Variants in CD5L observed in about 807,000 individuals in gnomAD.
CD5L encodes CD5 molecule like, also known as CD5 antigen-like.
In CD5L, 39 loss-of-function variants were observed where a neutral mutation model predicts 40.8. The observed-to-expected ratio is 0.96, with a 90% CI of 0.74 to 1.25. The LOEUF (loss-of-function observed/expected upper bound fraction) is 1.25, where lower values mean the gene tolerates loss of function less well. Ranked by LOEUF, CD5L falls within the 50% of genes most tolerant of loss-of-function variation. The probability of loss-of-function intolerance (pLI) is 0.00; values close to 1 mark genes in which losing one functional copy is unlikely to be tolerated. For synonymous variants in CD5L, 192 were observed against 169.6 expected (o/e 1.13, Z -1.03); for missense variants, 433 against 435.9 (o/e 0.99, Z 0.06).
At chr1:157,828,324 C>G (rs1344085066), downstream of CD5L, among the ~76,000 whole-genome samples, 1 of 152,148 alleles carries the variant, frequency 6.6e-6, no homozygotes, top group Admixed American at 6.5e-5. Flanking sequence ...TCTTGAAACA[C>G]TTTCTTCATT....
rs1045122405 is a variant in CD5L, at chr1:157,831,309, C to T, written c.*655G>A. Reference sequence around the variant, plus strand: ...TTATTGGGGCAATCAGAGGATGAAACATCATTTTTTACACGTCATGAAAAG... The same window carrying T: ...TTATTGGGGCAATCAGAGGATGAAATATCATTTTTTACACGTCATGAAAAG... On this transcript the variant is annotated 3_prime_UTR_variant, in exon 6 of 6. Coordinates refer to ENST00000368174, the MANE Select transcript of CD5L (RefSeq NM_005894.3). 2 of 985,126 alleles carry T rather than the reference C, an allele frequency of 2.0e-6. No individual in the cohort carries two copies. The highest frequency in any genetic ancestry group is 6.2e-5 in the Admixed American group (1 of 16,254). The allele number at this position is 985,126 out of a possible 1,614,324, so 61.0% of individuals were successfully genotyped here. A position where few individuals can be genotyped will look rare whatever the true frequency, so the allele number is the denominator to read the frequency against.
intron 3 of CD5L, among the ~76,000 whole-genome samples, chr1:157,835,622 G>T (rs1284032539): frequency 1.3e-5 from 2 of 152,198 alleles, no homozygotes; most frequent in African/African-American, 2.4e-5. Context: ...TTGAAACTAA[G>T]ATGAAAGCAT....
rs80166552 is a variant in CD5L, at chr1:157,838,446, G to T, written c.55+938C>A. ...TACTCCAAGAAATACTAGCTATCAG[G>T]ATTAACAGGATATTTTCTTTCCTTG... is the stretch of plus-strand genomic sequence containing the variant. On this transcript the variant is annotated intron_variant, in intron 2 of 5. Transcript: ENST00000368174. Among the ~76,000 whole-genome samples, 508 of 152,064 alleles carry T rather than the reference G, an allele frequency of 3.3e-3. 1 individual carries two copies. The highest frequency in any genetic ancestry group is 0.011 in the African/African-American group (469 of 41,474).
chr1:157,827,694 GA>G (rs1655940681), downstream of CD5L, among the ~76,000 whole-genome samples: 1 of 152,098 alleles, frequency 6.6e-6, no homozygotes, highest in African/African-American at 2.4e-5. Flanking sequence ...CATCTTCACA[GA>G]CACACATAGA....
intron 3 of CD5L, 43 bp downstream of exon 3, chr1:157,835,792 G>T (rs1173823972): frequency 2.6e-6 from 4 of 1,517,612 alleles, no homozygotes; most frequent in African/African-American, 2.7e-5. Context: ...GCCGTGAGGG[G>T]TATGGCAGCT....
chr1:157,831,335 G>T lies in CD5L; in HGVS notation c.*629C>A, dbSNP rs1656041617. Reference sequence around the variant, plus strand: ...ATCATTTTTTACACGTCATGAAAAGGTCTAGGATTATAGGACGCTGCTCTG... The same window carrying T: ...ATCATTTTTTACACGTCATGAAAAGTTCTAGGATTATAGGACGCTGCTCTG... On this transcript the variant is annotated 3_prime_UTR_variant, in exon 6 of 6. Coordinates refer to ENST00000368174, the MANE Select transcript of CD5L (RefSeq NM_005894.3). 1.0e-6 allele frequency: 1 copy of T among 985,184 alleles called. No homozygotes were observed. The highest frequency in any genetic ancestry group is 1.2e-6 in the Non-Finnish European group (1 of 829,932). 61.0% of individuals were successfully genotyped at this position (985,184 alleles called of 1,614,324 possible).
rs761480157 is a variant in CD5L, at chr1:157,834,533, G to C, written c.592C>G (p.Arg198Gly). 1 of 1,614,132 alleles carries C rather than the reference G, an allele frequency of 6.2e-7. No homozygotes were observed. Among genetic ancestry groups the C allele is most frequent in the Middle Eastern group, 1.6e-4 (1 of 6,062 alleles). Residue 198 changes from arginine (R) to glycine (G), a missense_variant, in exon 4 of 6, where the codon CGA becomes GGA. By Grantham distance (125) the Arg-to-Gly change is moderately radical (BLOSUM62 -2). Coordinates refer to ENST00000368174, the MANE Select transcript of CD5L (RefSeq NM_005894.3). ...ATCTGGCTCAGCCAGATGGGTTTTC[G>C]GCCATAGGCATGCTTGTTGCAGCGT... The part of the protein sequence containing the change: ...QKRCNKHAYG[R>G]KPIWLSQMSC...
Position 157,831,160 on chromosome 1 carries a change from T to C in CD5L, c.*804A>G, listed in dbSNP as rs1303771095. On this transcript the variant is annotated 3_prime_UTR_variant, in exon 6 of 6. Transcript: ENST00000368174. ...CCCTCCCTGATCTCTTTCTGCCTCT[T>C]TCTTGACCTTTTCCCAGTAACCAAT... 3 of 985,176 alleles carry C rather than the reference T, an allele frequency of 3.0e-6. No individual in the cohort carries two copies. The highest frequency in any genetic ancestry group is 3.6e-6 in the Non-Finnish European group (3 of 829,806). 61.0% of individuals were successfully genotyped at this position (985,176 alleles called of 1,614,324 possible). A position where few individuals can be genotyped will look rare whatever the true frequency, so the allele number is the denominator to read the frequency against.
At chr1:157,834,892 C>T (rs1322535703) in intron 3 of CD5L, 144 bp from the exon 4 acceptor site, 6 of 564,174 alleles carry the variant, frequency 1.1e-5, no homozygotes, top group Non-Finnish European at 1.5e-5. Flanking sequence ...TAGATGCCTG[C>T]TGAAAGAATG....
rs373123868 is a variant in CD5L at position 157,833,842 on chromosome 1, C to T, written c.719-330G>A. ...CTCAGGCTAGTCTCAAACTCTTGGG[C>T]TCAAGTGCTCCTCCCACCTCGGCTT... On this transcript the variant is annotated intron_variant, in intron 4 of 5. Transcript: ENST00000368174. Among the ~76,000 whole-genome samples the T allele has an allele frequency of 2.8e-4, 42 of 149,026 alleles. No homozygotes were observed. In the South Asian group the frequency reaches 8.5e-3, roughly 30 times the overall value.
intron 2 of CD5L, among the ~76,000 whole-genome samples, chr1:157,838,350 G>A (rs1009926133): frequency 6.6e-6 from 1 of 152,092 alleles, no homozygotes; most frequent in African/African-American, 2.4e-5. Context: ...TTATCTTCAT[G>A]AGTAGCATGA....
In CD5L at chr1:157,831,950, G is replaced by T; in HGVS notation, c.*14C>A. 1 of 1,588,164 alleles carries T rather than the reference G, an allele frequency of 6.3e-7. No homozygotes were observed. Among genetic ancestry groups the T allele is most frequent in the South Asian group, 1.2e-5 (1 of 86,082 alleles). On this transcript the variant is annotated 3_prime_UTR_variant, in exon 6 of 6. Coordinates refer to ENST00000368174, the MANE Select transcript of CD5L (RefSeq NM_005894.3). ...GGCGGGGCCAGGGGGGCCAGGTCAA[G>T]CAACACCAGGATACTATCCTATAAA... is the stretch of plus-strand genomic sequence containing the variant.
At chr1:157,833,136 C>A (rs1012180022) in intron 5 of CD5L, 56 bp downstream of exon 5, 61 of 1,399,890 alleles carry the variant, frequency 4.4e-5, no homozygotes, top group Non-Finnish European at 5.8e-5. Context: ...CCATCATTTC[C>A]TCTTCCTTTA....
chr1:157,835,303 T>C (rs920189574), intron 3 of CD5L, among the ~76,000 whole-genome samples: 4 of 152,178 alleles, frequency 2.6e-5, no homozygotes, highest in Non-Finnish European at 5.9e-5. Flanking sequence ...TACTCATACA[T>C]ATAAAGCAAG....
intron 4 of CD5L, 55 bp downstream of exon 4, chr1:157,834,352 A>C: frequency 7.1e-7 from 1 of 1,417,892 alleles, no homozygotes; most frequent in Non-Finnish European, 9.7e-7. Flanking sequence ...TTTGAATGAG[A>C]TTCCACATAA....
chr1:157,839,443 A>G (rs757258341), intron 1 of CD5L, 33 bp from the exon 2 acceptor site: 1 of 1,610,394 alleles, frequency 6.2e-7, no homozygotes. Flanking sequence ...AGTGAGGTCA[A>G]TTTCCAAGGC....
chr1:157,839,558 T>G, intron 1 of CD5L, 148 bp from the exon 2 acceptor site: 5 of 741,790 alleles, frequency 6.7e-6, no homozygotes, highest in Non-Finnish European at 1.1e-5. Flanking sequence ...CTTCTTCTTC[T>G]GGGATGACCA....
downstream of CD5L, among the ~76,000 whole-genome samples, chr1:157,829,425 C>A (rs1655987478): frequency 6.6e-6 from 1 of 152,310 alleles, no homozygotes; most frequent in South Asian, 2.1e-4. Context: ...TTCTATAACC[C>A]ACCTTCACTA....
At position 157,831,640 on chromosome 1, in the gene CD5L, A is replaced by G; in HGVS notation, c.*324T>C. 1 of 1,147,426 alleles carries G rather than the reference A, an allele frequency of 8.7e-7. No homozygotes were observed. The highest frequency in any genetic ancestry group is 1.1e-6 in the Non-Finnish European group (1 of 934,536). The allele number at this position is 1,147,426 out of a possible 1,614,324, so 71.1% of individuals were successfully genotyped here. On this transcript the variant is annotated 3_prime_UTR_variant, in exon 6 of 6. Coordinates refer to ENST00000368174, the MANE Select transcript of CD5L (RefSeq NM_005894.3). Reference sequence around the variant, plus strand: ...AGTAATGGTCTGCACATCTGACCAAAGTGACAGGTTTGAGGATTCCAGGCA... The same window carrying G: ...AGTAATGGTCTGCACATCTGACCAAGGTGACAGGTTTGAGGATTCCAGGCA...
Sources: gnomAD v4.1 joint callset for allele counts (sites outside exome capture counted in the v4.1 genomes callset) on GRCh38, gnomAD v4.1.1 for gene constraint, MANE v1.5 for transcripts, NCBI Gene and HGNC (gene_info 2026-07-23, HGNC 2026-07-21) for gene names.